Variants in NAALADL2 observed in about 807,000 individuals in gnomAD.
NAALADL2 encodes the protein inactive N-acetylated-alpha-linked acidic dipeptidase-like protein 2.
Under a neutral mutation model 87.2 loss-of-function variants are expected in NAALADL2, and 76 were observed. The observed-to-expected ratio is 0.87, with a 90% CI of 0.72 to 1.05. The LOEUF is 1.05. Among genes scored for constraint, NAALADL2 ranks in the 50% least tolerant of loss-of-function variants. The probability of loss-of-function intolerance (pLI) is 0.00; values close to 1 mark genes in which losing one functional copy is unlikely to be tolerated. For missense variants in NAALADL2, 1,089 were observed against 945.8 expected (o/e 1.15, Z -1.99); for synonymous variants, 354 against 331.0 (o/e 1.07, Z -0.75).
At chr3:174,531,819 C>T (rs903297977) in intron 1 of NAALADL2, among the ~76,000 whole-genome samples, 8 of 152,118 alleles carry the variant, frequency 5.3e-5, no homozygotes, top group Admixed American at 3.9e-4. Flanking sequence ...TGTAATGCAA[C>T]ATTCCTTAAT....
intron 2 of NAALADL2, among the ~76,000 whole-genome samples, chr3:174,690,913 T>C (rs1017123233): frequency 6.6e-6 from 1 of 152,158 alleles, no homozygotes; most frequent in Non-Finnish European, 1.5e-5. Flanking sequence ...GTAAAAGAGC[T>C]TTGGAAATTA....
At chr3:174,910,034 C>T (rs1233168317) in intron 1 of NAALADL2, among the ~76,000 whole-genome samples, 2 of 152,116 alleles carry the variant, frequency 1.3e-5, no homozygotes, top group East Asian at 1.9e-4. Context: ...ATTTGCAATG[C>T]TTTCTGCAAT....
At chr3:175,792,303 T>C (rs1752889651) in intron 13 of NAALADL2, among the ~76,000 whole-genome samples, 1 of 152,218 alleles carries the variant, frequency 6.6e-6, no homozygotes, top group African/African-American at 2.4e-5. Flanking sequence ...TTCTTAAAAA[T>C]ATTAAATGTG....
intron 5 of NAALADL2, among the ~76,000 whole-genome samples, chr3:175,427,407 T>C (rs1717004174): frequency 6.6e-6 from 1 of 152,192 alleles, no homozygotes; most frequent in South Asian, 2.1e-4. Flanking sequence ...AATGAATATA[T>C]TTTTCTACAT....
intron 1 of NAALADL2, among the ~76,000 whole-genome samples, chr3:174,946,693 G>A (rs144128448): frequency 6.6e-6 from 1 of 152,126 alleles, no homozygotes; most frequent in African/African-American, 2.4e-5. Flanking sequence ...AAAGGAGGGA[G>A]GAAAAGAGAA....
At chr3:174,835,305 C>T (rs889258929) in intron 3 of NAALADL2, among the ~76,000 whole-genome samples, 1 of 152,064 alleles carries the variant, frequency 6.6e-6, no homozygotes, top group Admixed American at 6.5e-5. Flanking sequence ...TAGATATCCA[C>T]ATGCAAAAGA....
intron 2 of NAALADL2, among the ~76,000 whole-genome samples, chr3:174,688,603 A>G (rs754964083): frequency 2.0e-5 from 3 of 152,080 alleles, no homozygotes; most frequent in African/African-American, 4.8e-5. Context: ...TAGAAAACTG[A>G]GAAATTGCAA....
In NAALADL2 at chr3:175,530,728, C is replaced by T. The variant is rs925052492; in HGVS notation, c.1654-45313C>T. On this transcript the variant is annotated intron_variant, in intron 9 of 13. Coordinates refer to ENST00000454872, the MANE Select transcript of NAALADL2 (RefSeq NM_207015.3). The stretch of plus-strand genomic sequence containing the variant: ...TTGAGCCACTTTCTCATGTAACTTA[C>T]TTGTGCCTTCAGGACCTGCTCGAGA... Among the ~76,000 whole-genome samples, 4 of 152,210 alleles carry T rather than the reference C, an allele frequency of 2.6e-5. No homozygotes were observed. In the South Asian group the frequency reaches 8.3e-4, roughly 32 times the overall value.
intron 5 of NAALADL2, among the ~76,000 whole-genome samples, chr3:175,419,603 G>A (rs943366005): frequency 6.6e-6 from 1 of 151,878 alleles, no homozygotes; most frequent in Non-Finnish European, 1.5e-5. Flanking sequence ...TTCTCAGAGA[G>A]ACCTGATAAA....
intron 1 of NAALADL2, among the ~76,000 whole-genome samples, chr3:174,445,397 C>T (rs1288691732): frequency 6.6e-6 from 1 of 152,054 alleles, no homozygotes; most frequent in African/African-American, 2.4e-5. Flanking sequence ...ATTATAGTCC[C>T]AGTTATGTCC....
chr3:175,195,846 T>G (rs1738908653), intron 2 of NAALADL2, among the ~76,000 whole-genome samples: 1 of 151,944 alleles, frequency 6.6e-6, no homozygotes. Flanking sequence ...CAGACATTCA[T>G]GATGTCTCTA....
At chr3:174,628,474 C>CAAAAAAAAAAAAAAA (rs5854584) in intron 2 of NAALADL2, among the ~76,000 whole-genome samples, 1 of 86,600 alleles carries the variant, frequency 1.2e-5, no homozygotes, top group Non-Finnish European at 2.2e-5. Context: ...GAGACTGTCT[C>CAAAAAAAAAAAAAAA]AAAAAAAAAA....
At chr3:175,183,239 T>G (rs767776811) in intron 2 of NAALADL2, among the ~76,000 whole-genome samples, 35 of 93,934 alleles carry the variant, frequency 3.7e-4, no homozygotes, top group Non-Finnish European at 8.5e-4. Flanking sequence ...CGGTTAGATT[T>G]ATTCCTAAGT....
chr3:175,080,159 T>A (rs4488839), intron 1 of NAALADL2, among the ~76,000 whole-genome samples: 34,513 of 151,284 alleles, frequency 0.23, 5,244 homozygotes, highest in African/African-American at 0.44. Flanking sequence ...TAGAGGCGGG[T>A]TTTCACCGTG....
intron 1 of NAALADL2, among the ~76,000 whole-genome samples, chr3:174,906,406 G>T (rs1184211465): frequency 6.6e-6 from 1 of 152,026 alleles, no homozygotes; most frequent in East Asian, 1.9e-4. Context: ...ATGATTGATT[G>T]AATGTCACTT....
intron 9 of NAALADL2, among the ~76,000 whole-genome samples, chr3:175,534,343 A>G (rs1734514546): frequency 6.6e-6 from 1 of 152,134 alleles, no homozygotes; most frequent in Non-Finnish European, 1.5e-5. Flanking sequence ...AGGTCCCACA[A>G]TAGGCTGTCT....
rs73042668 is a variant in NAALADL2, at chr3:174,587,030, G to A, written c.-115+36393G>A. ...CCTGGTGTGTGATGTACTCCACCCC[G>A]TGTCCAAGTGTTCTCATTGTTCACT... On this transcript the variant is annotated intron_variant, in intron 2 of 3. Transcript: ENST00000434257. Among the ~76,000 whole-genome samples the A allele has an allele frequency of 8.1e-3, 1,182 of 145,554 alleles. 14 individuals carry two copies. Among genetic ancestry groups the A allele is most frequent in the African/African-American group, 0.028 (1,070 of 38,838 alleles).
chr3:175,462,043 A>C (rs1309656612), intron 6 of NAALADL2, among the ~76,000 whole-genome samples: 1 of 152,138 alleles, frequency 6.6e-6, no homozygotes. Flanking sequence ...ACCATTATGC[A>C]TTGTCAAAGC....
chr3:174,586,997 C>T lies in NAALADL2; in HGVS notation c.-115+36360C>T, dbSNP rs191275240. Reference sequence around the variant, plus strand: ...ATCCCTTGCCCCTCCCCCCACCCCACGACAGGCCCTGGTGTGTGATGTACT... The same window carrying T: ...ATCCCTTGCCCCTCCCCCCACCCCATGACAGGCCCTGGTGTGTGATGTACT... On this transcript the variant is annotated intron_variant, in intron 2 of 3. Transcript: ENST00000434257. 2.9e-4 allele frequency among the ~76,000 whole-genome samples: 40 copies of T among 138,062 alleles called. No homozygotes were observed. The East Asian group carries it at 8.5e-3, about 29-fold the overall frequency. 90.6% of individuals were successfully genotyped at this position (138,062 alleles called of 152,430 possible).
Sources: allele counts gnomAD v4.1 joint callset (sites outside exome capture counted in the v4.1 genomes callset), GRCh38; gene constraint gnomAD v4.1.1; transcripts MANE v1.5; gene names NCBI Gene and HGNC (gene_info 2026-07-23, HGNC 2026-07-21).